FANCL: variants seen among roughly 807,000 people sequenced by gnomAD.
The protein encoded by FANCL is FA complementation group L.
Under a neutral mutation model 59.4 loss-of-function variants are expected in FANCL, and 69 were observed. That is an observed-to-expected ratio of 1.16 (90% CI 0.96 to 1.42). The LOEUF (loss-of-function observed/expected upper bound fraction) is 1.42. FANCL is among the 40% of genes most tolerant of loss of function. The pLI is 0.00. For synonymous variants in FANCL, 180 were observed against 147.1 expected (o/e 1.22, Z -1.62); for missense variants, 519 against 447.2 (o/e 1.16, Z -1.45).
At chr2:58,213,677 T>A (rs1052213850) in intron 5 of FANCL, 6 of 147,570 alleles carry the variant, frequency 4.1e-5, no homozygotes, top group African/African-American at 1.5e-4. Context: ...AGTGTGAGAC[T>A]CGCCTGGGCA....
chr2:58,179,311 T>A (rs1014124984), intron 7 of FANCL, among the ~76,000 whole-genome samples: 1 of 152,212 alleles, frequency 6.6e-6, no homozygotes, highest in African/African-American at 2.4e-5. Flanking sequence ...GCTGGAAGCA[T>A]CATGCTACCT....
At chr2:58,213,944 G>A (rs758335437) in intron 5 of FANCL, among the ~76,000 whole-genome samples, 7 of 152,100 alleles carry the variant, frequency 4.6e-5, no homozygotes, top group African/African-American at 7.2e-5. Context: ...GCTCCATATC[G>A]GAGCTGCCCT....
chr2:58,194,295 T>G (rs951768147), intron 7 of FANCL: 2 of 470,870 alleles, frequency 4.2e-6, no homozygotes, highest in Non-Finnish European at 8.8e-6. Flanking sequence ...GAATTTCGTT[T>G]TTTTATAATC....
At chr2:58,190,667 C>T (rs1281711143) in intron 7 of FANCL, among the ~76,000 whole-genome samples, 3 of 151,826 alleles carry the variant, frequency 2.0e-5, no homozygotes, top group African/African-American at 7.2e-5. Flanking sequence ...CTTTACATCA[C>T]ATAAGTTCAA....
chr2:58,187,801 TTTA>T (rs1688555790), intron 7 of FANCL, among the ~76,000 whole-genome samples: 1 of 152,190 alleles, frequency 6.6e-6, no homozygotes. Flanking sequence ...CATTTTGAGT[TTTA>T]TTATTGAACT....
intron 7 of FANCL, among the ~76,000 whole-genome samples, chr2:58,178,184 CT>C (rs1687555746): frequency 6.6e-6 from 1 of 152,146 alleles, no homozygotes; most frequent in Admixed American, 6.6e-5. Flanking sequence ...GGTACCATTC[CT>C]TCTGAAACTA....
rs755792621 is a variant in FANCL at position 58,165,821 on chromosome 2, C to T, written c.594G>A (p.Lys198=). The change falls in exon 8 of 14, where the codon AAG becomes AAA. Residue 198 remains lysine, a synonymous_variant. Transcript: ENST00000233741. ...TTTCATCCATAACATCCCAGAATGC[C>T]TTTAGTGATTCTATTGCTGCCAAAA... ...SQFLAAIESL[K]AFWDVMDEID... 1 of 1,613,910 alleles carries T rather than the reference C, an allele frequency of 6.2e-7. No individual in the cohort carries two copies. The highest frequency in any genetic ancestry group is 1.3e-5 in the African/African-American group (1 of 74,890).
At chr2:58,201,678 A>G (rs1690037970) in intron 6 of FANCL, among the ~76,000 whole-genome samples, 1 of 152,030 alleles carries the variant, frequency 6.6e-6, no homozygotes, top group Non-Finnish European at 1.5e-5. Flanking sequence ...AATGCACTGT[A>G]AGCATTGCAT....
intron 6 of FANCL, among the ~76,000 whole-genome samples, chr2:58,203,516 C>T (rs1276540256): frequency 6.6e-6 from 1 of 151,666 alleles, no homozygotes; most frequent in East Asian, 1.9e-4. Flanking sequence ...CTTATTTGTC[C>T]AAATTCACAA....
chr2:58,159,334 G>T lies in FANCL; in HGVS notation c.*431C>A. On this transcript the variant is annotated 3_prime_UTR_variant, in exon 14 of 14. Transcript: ENST00000233741. ...ACGTCTAACAAACTAAACTATATAT[G>T]TATTTTTTCCATAGGAAAGCACAAG... 6.4e-7 allele frequency: 1 copy of T among 1,574,564 alleles called. No homozygotes were observed. Among genetic ancestry groups the T allele is most frequent in the Non-Finnish European group, 8.6e-7 (1 of 1,161,670 alleles).
intron 7 of FANCL, among the ~76,000 whole-genome samples, chr2:58,188,843 T>C (rs1476144028): frequency 6.6e-6 from 1 of 151,622 alleles, no homozygotes; most frequent in Non-Finnish European, 1.5e-5. Context: ...GGAGAAAATT[T>C]TACTAGCCAA....
At chr2:58,176,156 C>CT (rs1307800116) in intron 7 of FANCL, among the ~76,000 whole-genome samples, 1 of 152,062 alleles carries the variant, frequency 6.6e-6, no homozygotes, top group African/African-American at 2.4e-5. Flanking sequence ...AAGAACATTC[C>CT]ATGCTCATGG....
intron 7 of FANCL, among the ~76,000 whole-genome samples, chr2:58,189,172 C>A (rs1455962216): frequency 2.0e-5 from 3 of 152,092 alleles, no homozygotes; most frequent in African/African-American, 2.4e-5. Context: ...TGTTTATTAT[C>A]CTGATTGTGG....
At chr2:58,200,985 C>T (rs924736295) in intron 6 of FANCL, among the ~76,000 whole-genome samples, 3 of 150,194 alleles carry the variant, frequency 2.0e-5, no homozygotes, top group African/African-American at 7.3e-5. Context: ...ATATAACAAA[C>T]CTCACATAAC....
intron 7 of FANCL, among the ~76,000 whole-genome samples, chr2:58,186,252 CA>C (rs1462146771): frequency 6.6e-6 from 1 of 152,058 alleles, no homozygotes; most frequent in Non-Finnish European, 1.5e-5. Context: ...GTCAAATAAT[CA>C]AAAAGCAAAC....
chr2:58,225,600 C>T (rs1358763677), intron 4 of FANCL, among the ~76,000 whole-genome samples: 1 of 151,906 alleles, frequency 6.6e-6, no homozygotes, highest in Admixed American at 6.6e-5. Flanking sequence ...CCATCAGATA[C>T]CACGTGGATC....
chr2:58,174,833 A>C (rs2104902354), intron 7 of FANCL, among the ~76,000 whole-genome samples: 1 of 152,352 alleles, frequency 6.6e-6, no homozygotes, highest in East Asian at 1.9e-4. Flanking sequence ...CCCTTCAAAA[A>C]ATTAATGAAT....
chr2:58,181,346 T>C (rs75205222), intron 7 of FANCL, among the ~76,000 whole-genome samples: 5,586 of 152,088 alleles, frequency 0.037, 113 homozygotes, highest in Middle Eastern at 0.061. Flanking sequence ...GGAATAGACA[T>C]AACTAAGCTT....
At chr2:58,199,972 A>G (rs1357716004) in intron 6 of FANCL, among the ~76,000 whole-genome samples, 1 of 152,040 alleles carries the variant, frequency 6.6e-6, no homozygotes, top group Non-Finnish European at 1.5e-5. Flanking sequence ...TTTAGCTACA[A>G]TAATAAGTTG....
Sources: gnomAD v4.1 joint callset for allele counts (sites outside exome capture counted in the v4.1 genomes callset) on GRCh38, gnomAD v4.1.1 for gene constraint, MANE v1.5 for transcripts, NCBI Gene and HGNC (gene_info 2026-07-23, HGNC 2026-07-21) for gene names.